The following NBEAL1 variants were observed in gnomAD, a reference collection of about 807,000 sequenced individuals.
NBEAL1 encodes neurobeachin like 1.
Under a neutral mutation model 351.3 loss-of-function variants are expected in NBEAL1, and 273 were observed. The observed-to-expected ratio is 0.78, with a 90% confidence interval of 0.70 to 0.86. NBEAL1 has a LOEUF of 0.86. Ranked by LOEUF, NBEAL1 falls within the 40% of genes least tolerant of loss-of-function variation. The pLI, the probability that NBEAL1 is intolerant of heterozygous loss-of-function variation, is 0.00. For synonymous variants in NBEAL1, 1,050 were observed against 1,086.4 expected (o/e 0.97, Z 0.66); for missense variants, 2,961 against 3,201.3 (o/e 0.92, Z 1.81).
At chr2:203,175,099 T>C (rs1209221168) in intron 41 of NBEAL1, 48 bp from the exon 42 acceptor site, 5 of 1,488,234 alleles carry the variant, frequency 3.4e-6, no homozygotes, top group Non-Finnish European at 4.6e-6. Flanking sequence ...TGCCCCCTTA[T>C]GTACTTTATT....
At chr2:203,168,094 A>G (rs183890026) in intron 38 of NBEAL1, among the ~76,000 whole-genome samples, 2 of 152,342 alleles carry the variant, frequency 1.3e-5, no homozygotes, top group East Asian at 3.9e-4. Flanking sequence ...CCATTCTTCT[A>G]GTTTTACAAA....
intron 24 of NBEAL1, 52 bp downstream of exon 24, chr2:203,127,989 C>T (rs2062981886): frequency 1.2e-5 from 16 of 1,329,574 alleles, no homozygotes; most frequent in Middle Eastern, 1.8e-4. Context: ...TGAGTTGCTA[C>T]ATCATCTTCT....
chr2:203,180,333 G>A, intron 42 of NBEAL1, 49 bp from the exon 43 acceptor site: 1 of 1,561,960 alleles, frequency 6.4e-7, no homozygotes, highest in African/African-American at 1.4e-5. Flanking sequence ...TTCATGTCTT[G>A]TTGTTGATTT....
At chr2:203,205,868 TACTC>T (rs1451230907) in intron 51 of NBEAL1, among the ~76,000 whole-genome samples, 3 of 152,220 alleles carry the variant, frequency 2.0e-5, no homozygotes, top group African/African-American at 4.8e-5. Flanking sequence ...CTCAGACTGA[TACTC>T]ACAGGGAAAG....
intron 33 of NBEAL1, 142 bp from the exon 34 acceptor site, chr2:203,148,849 A>T (rs1438635103): frequency 1.9e-6 from 1 of 521,718 alleles, no homozygotes; most frequent in Non-Finnish European, 3.2e-6. Context: ...TTCTAATGGA[A>T]TAAGAAAAGC....
At position 203,130,336 on chromosome 2, in the gene NBEAL1, G is replaced by C; in HGVS notation, c.3424G>C (p.Val1142Leu). The change falls in exon 25 of 56, where the codon GTG becomes CTG. Residue 1142 changes from valine (V) to leucine (L), a missense_variant. Coordinates refer to ENST00000683969, the MANE Select transcript of NBEAL1 (RefSeq NM_001378026.1). Reference sequence around the variant, plus strand: ...TTAAAAGCTCTTTGGAATTTTGGACGTGCTCTTCAGTCTCCTACGTACCAG... The same window carrying C: ...TTAAAAGCTCTTTGGAATTTTGGACCTGCTCTTCAGTCTCCTACGTACCAG... Reference protein sequence around the residue: ...EEEQLFGILDVLFSLLRTSPT... With the variant: ...EEEQLFGILDLLFSLLRTSPT... 1 of 1,527,032 alleles carries C rather than the reference G, an allele frequency of 6.5e-7. No homozygotes were observed. Among genetic ancestry groups the C allele is most frequent in the Non-Finnish European group, 8.8e-7 (1 of 1,139,006 alleles). The allele number at this position is 1,527,032 out of a possible 1,614,324, so 94.6% of individuals were successfully genotyped here. A position where few individuals can be genotyped will look rare whatever the true frequency, so the allele number is the denominator to read the frequency against.
In NBEAL1 at chr2:203,062,774, A is replaced by G. The variant is rs531300433; in HGVS notation, c.515+5321A>G. Among the ~76,000 whole-genome samples the G allele has an allele frequency of 4.6e-5, 7 of 152,304 alleles. No homozygotes were observed. The South Asian group carries it at 1.4e-3, about 32-fold the overall frequency. On this transcript the variant is annotated intron_variant, in intron 6 of 55. Coordinates refer to ENST00000683969, the MANE Select transcript of NBEAL1 (RefSeq NM_001378026.1). This position sits in a 1 kb window ranked among gnomAD's most constrained non-coding sequence, Gnocchi z 4.2. ...AGAACTGCTTCAAAGACAAATGGTAAAGCAGGGAATTCAGACTTGGATTTC... is the reference window on the plus strand; with the variant it reads ...AGAACTGCTTCAAAGACAAATGGTAGAGCAGGGAATTCAGACTTGGATTTC...
At chr2:203,127,053 A>G in intron 23 of NBEAL1, 127 bp downstream of exon 23, 1 of 637,242 alleles carries the variant, frequency 1.6e-6, no homozygotes, top group Non-Finnish European at 2.6e-6. Context: ...GAGAGGTAGG[A>G]TACAGTGGAG....
At chr2:203,109,434 AATATGGTAT>A (rs2062511910) in intron 14 of NBEAL1, among the ~76,000 whole-genome samples, 1 of 152,208 alleles carries the variant, frequency 6.6e-6, no homozygotes, top group Non-Finnish European at 1.5e-5. Context: ...AATATATATA[AATATGGTAT>A]ATATTTATAT....
At chr2:203,198,976 C>A (rs2065315899) in intron 48 of NBEAL1, among the ~76,000 whole-genome samples, 2 of 151,538 alleles carry the variant, frequency 1.3e-5, no homozygotes, top group African/African-American at 4.9e-5. Flanking sequence ...TCACTTAAGC[C>A]CGGGAGTTGG....
intron 38 of NBEAL1, among the ~76,000 whole-genome samples, chr2:203,168,570 T>G (rs2064212551): frequency 6.8e-6 from 1 of 147,550 alleles, no homozygotes; most frequent in Non-Finnish European, 1.5e-5. Flanking sequence ...GCAACAAGAG[T>G]GAAACTCTGT....
intron 42 of NBEAL1, among the ~76,000 whole-genome samples, chr2:203,176,227 G>A (rs1307750577): frequency 7.0e-6 from 1 of 142,624 alleles, no homozygotes; most frequent in Non-Finnish European, 1.5e-5. Flanking sequence ...AGGCTGGAGT[G>A]CAGTGGTGCA....
At chr2:203,208,049 AGGCG>A (rs920162064) in intron 51 of NBEAL1, among the ~76,000 whole-genome samples, 2 of 152,208 alleles carry the variant, frequency 1.3e-5, no homozygotes, top group African/African-American at 4.8e-5. Flanking sequence ...TGGAAGGCTG[AGGCG>A]GAAGGATTAC....
chr2:203,201,838 A>G (rs972529522), intron 50 of NBEAL1, 123 bp downstream of exon 50: 1 of 653,348 alleles, frequency 1.5e-6, no homozygotes, highest in Non-Finnish European at 2.4e-6. Flanking sequence ...GAACTTTTTT[A>G]TTGTGTAGGA....
chr2:203,177,821 C>T (rs1054224002), intron 42 of NBEAL1, among the ~76,000 whole-genome samples: 1 of 151,980 alleles, frequency 6.6e-6, no homozygotes, highest in African/African-American at 2.4e-5. Flanking sequence ...GCGTTCGAGA[C>T]CAGTCTGGCA....
intron 18 of NBEAL1, among the ~76,000 whole-genome samples, chr2:203,117,154 A>G (rs2062718494): frequency 6.6e-6 from 1 of 151,734 alleles, no homozygotes; most frequent in Non-Finnish European, 1.5e-5. Flanking sequence ...TGGCTAAACT[A>G]GAAAAAGATA....
intron 44 of NBEAL1, among the ~76,000 whole-genome samples, chr2:203,184,074 T>TAAAAAAAA (rs1170251389): frequency 4.5e-5 from 4 of 87,982 alleles, no homozygotes; most frequent in East Asian, 2.8e-4. Context: ...CGAGACTGTC[T>TAAAAAAAA]AAAAAAAAAA....
chr2:203,113,456 A>G, intron 17 of NBEAL1, 138 bp downstream of exon 17: 2 of 561,064 alleles, frequency 3.6e-6, no homozygotes, highest in Non-Finnish European at 5.3e-6. Flanking sequence ...ATTTGTTTTA[A>G]TTGAAGCTGA....
At position 203,115,983 on chromosome 2, in the gene NBEAL1, A is replaced by G. The variant is rs2062687394; in HGVS notation, c.2507-2A>G. On this transcript the variant is annotated splice_acceptor_variant, in intron 17 of 55. Transcript: ENST00000683969. LOFTEE classifies it high-confidence loss of function. ...GTGTATGTGTGTGTAAATAATTTTC[A>G]GGTCCAAATTGTTTAAGCCCTTGGA... 1 of 1,549,286 alleles carries G rather than the reference A, an allele frequency of 6.5e-7. No homozygotes were observed. The highest frequency in any genetic ancestry group is 8.7e-7 in the Non-Finnish European group (1 of 1,144,194).
Sources: gnomAD v4.1 joint callset for allele counts (sites outside exome capture counted in the v4.1 genomes callset) on GRCh38, gnomAD v4.1.1 for gene constraint, Gnocchi (gnomAD v3.1) non-coding constraint, MANE v1.5 for transcripts, NCBI Gene and HGNC (gene_info 2026-07-23, HGNC 2026-07-21) for gene names.